Variants in ACYP1 observed in about 807,000 individuals in gnomAD.
ACYP1 encodes the protein acylphosphatase-1.
Under a neutral mutation model 10.4 loss-of-function variants are expected in ACYP1, and 8 were observed. The observed-to-expected ratio is 0.77, with a 90% CI of 0.45 to 1.38. ACYP1 has a LOEUF of 1.38. Among genes scored for constraint, ACYP1 ranks in the 40% most tolerant of loss-of-function variants. The pLI, the probability that ACYP1 is intolerant of heterozygous loss-of-function variation, is 0.00. For missense variants in ACYP1, 93 were observed against 117.3 expected, an observed-to-expected ratio of 0.79 and a Z score of 0.96; for synonymous variants, 38 against 40.8, an observed-to-expected ratio of 0.93 and a Z score of 0.26.
At chr14:75,068,560 C>CAGAG (rs1032446003), upstream of ACYP1, among the ~76,000 whole-genome samples, 1 of 150,210 alleles carries the variant, frequency 6.7e-6, no homozygotes, top group African/African-American at 2.5e-5. Context: ...GAGAGAGAGA[C>CAGAG]AGAGAGAGAG....
chr14:75,067,705 A>G (rs1364641816), upstream of ACYP1, among the ~76,000 whole-genome samples: 2 of 152,164 alleles, frequency 1.3e-5, no homozygotes, highest in Non-Finnish European at 2.9e-5. Context: ...AGTTAACAAG[A>G]TGCAGACAGG....
upstream of ACYP1, among the ~76,000 whole-genome samples, chr14:75,067,683 G>C (rs999175636): frequency 6.6e-6 from 1 of 152,114 alleles, no homozygotes; most frequent in Admixed American, 6.5e-5. Flanking sequence ...TTTATGGAGA[G>C]GTATAACTTG....
chr14:75,057,987 A>AAAAC (rs1304812247), intron 2 of ACYP1, among the ~76,000 whole-genome samples: 1 of 147,578 alleles, frequency 6.8e-6, no homozygotes, highest in Non-Finnish European at 1.5e-5. Context: ...AAAAAAAAAA[A>AAAAC]AGAACTACCT....
Position 75,058,224 on chromosome 14 carries a change from G to C in ACYP1, c.85-4565C>G, listed in dbSNP as rs187296814. Among the ~76,000 whole-genome samples, 698 of 150,714 alleles carry C rather than the reference G, an allele frequency of 4.6e-3. 31 individuals are homozygous for C. Among genetic ancestry groups the C allele is most frequent in the African/African-American group, 0.016 (669 of 40,586 alleles). On this transcript the variant is annotated intron_variant, in intron 2 of 2. Coordinates refer to ENST00000238618, the MANE Select transcript of ACYP1 (RefSeq NM_001107.5). ...AGCACTTTGGGAGGCTGAGGCGGGC[G>C]GATCACCTGAGGTCAGGAGTTTGAG...
chr14:75,068,290 C>A (rs1308148358), upstream of ACYP1, among the ~76,000 whole-genome samples: 1 of 151,976 alleles, frequency 6.6e-6, no homozygotes, highest in African/African-American at 2.4e-5. Context: ...GGCGAGATTC[C>A]GTCTCAAAAA....
At chr14:75,062,120 A>G (rs1432451989) in intron 2 of ACYP1, among the ~76,000 whole-genome samples, 87 of 147,950 alleles carry the variant, frequency 5.9e-4, no homozygotes, top group African/African-American at 1.7e-3. Context: ...AAAAAAAAAA[A>G]AAAAGAAAAG....
At chr14:75,054,643 A>G (rs1279568909) in intron 2 of ACYP1, among the ~76,000 whole-genome samples, 1 of 151,604 alleles carries the variant, frequency 6.6e-6, no homozygotes, top group Non-Finnish European at 1.5e-5. Flanking sequence ...GCCAAAGAAA[A>G]CGTTATGCAT....
chr14:75,063,628 A>AC, intron 1 of ACYP1, 67 bp from the exon 2 acceptor site: 1 of 1,299,614 alleles, frequency 7.7e-7, no homozygotes, highest in African/African-American at 1.5e-5. Flanking sequence ...CCTGAGTCAG[A>AC]AAGGGCCACA....
At chr14:75,058,490 C>T (rs541093076) in intron 2 of ACYP1, among the ~76,000 whole-genome samples, 1 of 151,330 alleles carries the variant, frequency 6.6e-6, no homozygotes, top group Admixed American at 6.6e-5. Flanking sequence ...CTCCAGGGAA[C>T]TAATAGAGTA....
chr14:75,061,739 A>C lies in ACYP1; in HGVS notation c.84+1731T>G, dbSNP rs558770750. 2.5e-6 allele frequency: 4 copies of C among 1,590,306 alleles called. No individual in the cohort carries two copies. In the Admixed American group the frequency reaches 6.7e-5, roughly 27 times the overall value. On this transcript the variant is annotated intron_variant, in intron 2 of 2. Coordinates refer to ENST00000238618, the MANE Select transcript of ACYP1 (RefSeq NM_001107.5). ...CACAGCTCTTGCTGTGAGTTTCAGC[A>C]ATTCTGTTTTCAACAGTCATTTCCT... is the stretch of plus-strand genomic sequence containing the variant.
intron 2 of ACYP1, 152 bp from the exon 3 acceptor site, chr14:75,053,811 CTCATTG>C: frequency 2.9e-6 from 2 of 684,014 alleles, no homozygotes; most frequent in Non-Finnish European, 4.9e-6. Flanking sequence ...CAAGAAGGAT[CTCATTG>C]CTTATCTTCA....
chr14:75,053,770 A>C (rs1434038736), intron 2 of ACYP1, 111 bp from the exon 3 acceptor site: 1 of 948,638 alleles, frequency 1.1e-6, no homozygotes, highest in Non-Finnish European at 1.6e-6. Flanking sequence ...AACTAATTTG[A>C]TATTGCCCAG....
chr14:75,060,344 G>C (rs758004044), intron 2 of ACYP1: 18 of 609,774 alleles, frequency 3.0e-5, no homozygotes, highest in South Asian at 1.7e-4. Flanking sequence ...AACCATTGTT[G>C]GCAAGGATGT....
intron 2 of ACYP1, chr14:75,060,180 C>G (rs1892982450): frequency 1.6e-6 from 1 of 625,768 alleles, no homozygotes; most frequent in Admixed American, 2.7e-5. Flanking sequence ...TCCAGTTATC[C>G]TTTTTATTTT....
chr14:75,053,247 G>A lies in ACYP1; in HGVS notation c.*197C>T, dbSNP rs144995874. The A allele has an allele frequency of 1.7e-6, 1 of 585,840 alleles. No individual in the cohort carries two copies. The highest frequency in any genetic ancestry group is 1.9e-5 in the African/African-American group (1 of 53,574). 36.3% of individuals were successfully genotyped at this position (585,840 alleles called of 1,614,324 possible). On this transcript the variant is annotated 3_prime_UTR_variant, in exon 3 of 3. Transcript: ENST00000238618. The stretch of plus-strand genomic sequence containing the variant: ...TTTTTAAAAGTACTCTAAGCAGAAG[G>A]TTCTAACGTTTTTATTGATTAGATT...
chr14:75,058,973 G>T (rs910427077), intron 2 of ACYP1, among the ~76,000 whole-genome samples: 13 of 152,150 alleles, frequency 8.5e-5, no homozygotes, highest in African/African-American at 3.1e-4. Context: ...GCTGAGGCGG[G>T]TGGATCACGA....
chr14:75,054,097 C>T (rs1335900642), intron 2 of ACYP1, among the ~76,000 whole-genome samples: 1 of 152,186 alleles, frequency 6.6e-6, no homozygotes, highest in African/African-American at 2.4e-5. Context: ...TTAACCAGGA[C>T]CACACGTAAA....
At chr14:75,068,712 TAAAA>T (rs759409132), upstream of ACYP1, among the ~76,000 whole-genome samples, 1 of 138,352 alleles carries the variant, frequency 7.2e-6, no homozygotes, top group Non-Finnish European at 1.6e-5. Flanking sequence ...AACGAGGAAT[TAAAA>T]AAAAAAAAAA....
At chr14:75,067,591 G>C (rs971477766), upstream of ACYP1, among the ~76,000 whole-genome samples, 1 of 152,178 alleles carries the variant, frequency 6.6e-6, no homozygotes, top group African/African-American at 2.4e-5. Flanking sequence ...GAATGGGACT[G>C]TAATATGAAA....
Sources: allele counts gnomAD v4.1 joint callset (sites outside exome capture counted in the v4.1 genomes callset), GRCh38; gene constraint gnomAD v4.1.1; transcripts MANE v1.5; gene names NCBI Gene and HGNC (gene_info 2026-07-23, HGNC 2026-07-21).